ACTR3C: variants seen among roughly 807,000 people sequenced by gnomAD.
ACTR3C encodes the protein actin-related protein 3C.
In ACTR3C, 18 loss-of-function variants were observed where a neutral mutation model predicts 26.3. That is an observed-to-expected ratio of 0.68 (90% CI 0.47 to 1.01). The LOEUF is 1.01. Ranked by LOEUF, ACTR3C falls within the 50% of genes least tolerant of loss-of-function variation. The pLI, the probability that ACTR3C is intolerant of heterozygous loss-of-function variation, is 0.00. For missense variants in ACTR3C, 184 were observed against 250.7 expected (o/e 0.73, Z 1.80); for synonymous variants, 55 against 94.5 (o/e 0.58, Z 2.42).
chr7:150,028,026 TAAAAAG>T, the ACTR3C span, among the ~76,000 whole-genome samples: 1 of 152,294 alleles, frequency 6.6e-6, no homozygotes, highest in Non-Finnish European at 1.5e-5. Context: ...AAAACTTTAA[TAAAAAG>T]AAAAATAGCC....
chr7:150,020,163 A>G, the ACTR3C span, among the ~76,000 whole-genome samples: 6 of 152,270 alleles, frequency 3.9e-5, no homozygotes, highest in South Asian at 1.0e-3. Context: ...TCTTAGAAGC[A>G]AACATTATTT....
intron 1 of ACTR3C, among the ~76,000 whole-genome samples, chr7:150,314,546 C>T (rs938834603): frequency 5.3e-5 from 8 of 152,044 alleles, no homozygotes; most frequent in South Asian, 2.1e-4. Flanking sequence ...ATGTGTGAAG[C>T]AAATGTGGCA....
chr7:149,899,001 G>A, the ACTR3C span, among the ~76,000 whole-genome samples: 1 of 152,054 alleles, frequency 6.6e-6, no homozygotes, highest in African/African-American at 2.4e-5. Flanking sequence ...CGGCCCAGCA[G>A]TAACATGGAG....
the ACTR3C span, among the ~76,000 whole-genome samples, chr7:150,009,774 T>C: frequency 6.6e-6 from 1 of 152,182 alleles, no homozygotes; most frequent in African/African-American, 2.4e-5. Context: ...TCTAGCTGAG[T>C]GTGGCTTTTA....
At chr7:150,030,378 G>A in the ACTR3C span, among the ~76,000 whole-genome samples, 11 of 150,964 alleles carry the variant, frequency 7.3e-5, no homozygotes, top group Non-Finnish European at 1.5e-4. Flanking sequence ...CTATTGGATT[G>A]GATGGTATAG....
chr7:150,193,877 C>A, the ACTR3C span, among the ~76,000 whole-genome samples: 2 of 151,470 alleles, frequency 1.3e-5, no homozygotes, highest in African/African-American at 4.9e-5. Flanking sequence ...TGCATACTAA[C>A]TTACAAATGT....
chr7:150,159,823 G>A, the ACTR3C span, among the ~76,000 whole-genome samples: 61 of 152,108 alleles, frequency 4.0e-4, no homozygotes, highest in Non-Finnish European at 6.9e-4. Flanking sequence ...TTTTGAGATG[G>A]AGTCTCGCTC....
At chr7:150,006,228 A>G in the ACTR3C span, among the ~76,000 whole-genome samples, 55 of 87,996 alleles carry the variant, frequency 6.3e-4, no homozygotes, top group South Asian at 1.4e-3. Context: ...AAGGAGTCTT[A>G]CTCTGTCGCC....
chr7:150,236,213 T>C, the ACTR3C span, among the ~76,000 whole-genome samples: 1 of 152,232 alleles, frequency 6.6e-6, no homozygotes, highest in Non-Finnish European at 1.5e-5. Context: ...TTCTTTCTCA[T>C]CAATCTAGAG....
chr7:150,170,448 G>A, the ACTR3C span, among the ~76,000 whole-genome samples: 2 of 150,094 alleles, frequency 1.3e-5, no homozygotes, highest in African/African-American at 2.5e-5. Context: ...CACATGTGAT[G>A]ATATACACGG....
chr7:150,037,010 G>T, the ACTR3C span, among the ~76,000 whole-genome samples: 1 of 73,628 alleles, frequency 1.4e-5, no homozygotes, highest in Non-Finnish European at 3.1e-5. Flanking sequence ...CCCTGCGATG[G>T]GGGTACCAAC....
the ACTR3C span, among the ~76,000 whole-genome samples, chr7:150,037,753 C>G: frequency 1.1e-3 from 41 of 38,240 alleles, no homozygotes; most frequent in Middle Eastern, 0.02. Context: ...TCAGTCCCCA[C>G]CCTCGCGGGG....
At chr7:150,080,490 TAGAC>T in the ACTR3C span, among the ~76,000 whole-genome samples, 1 of 151,598 alleles carries the variant, frequency 6.6e-6, no homozygotes, top group Non-Finnish European at 1.5e-5. Flanking sequence ...CTTGACATCT[TAGAC>T]AGCAAAGCTG....
chr7:150,069,932 T>G, the ACTR3C span, among the ~76,000 whole-genome samples: 1 of 152,024 alleles, frequency 6.6e-6, no homozygotes, highest in Non-Finnish European at 1.5e-5. Flanking sequence ...GAAGTCCACA[T>G]GCTGAATCTC....
At chr7:150,096,164 G>A in the ACTR3C span, among the ~76,000 whole-genome samples, 2 of 149,064 alleles carry the variant, frequency 1.3e-5, no homozygotes, top group African/African-American at 2.5e-5. Context: ...CCCACACCTT[G>A]GAAACTGAAT....
the ACTR3C span, among the ~76,000 whole-genome samples, chr7:149,883,636 C>G: frequency 6.6e-6 from 1 of 152,222 alleles, no homozygotes; most frequent in Non-Finnish European, 1.5e-5. Flanking sequence ...GAGCCCTCGT[C>G]CAATCTGCGC....
chr7:150,183,336 T>C, the ACTR3C span, among the ~76,000 whole-genome samples: 12 of 147,436 alleles, frequency 8.1e-5, no homozygotes, highest in South Asian at 4.2e-4. Context: ...AGTATTCTAA[T>C]GTATGAAAAA....
At chr7:149,923,403 G>C in the ACTR3C span, among the ~76,000 whole-genome samples, 10 of 151,966 alleles carry the variant, frequency 6.6e-5, no homozygotes, top group African/African-American at 2.4e-4. Context: ...ATAATAAAAG[G>C]ATGGACAAAT....
intron 1 of ACTR3C, among the ~76,000 whole-genome samples, chr7:150,309,041 C>A (rs1796056714): frequency 6.6e-6 from 1 of 152,156 alleles, no homozygotes; most frequent in Non-Finnish European, 1.5e-5. Flanking sequence ...TACCCTAGCC[C>A]ATTCTCACAC....
Sources: allele counts gnomAD v4.1 joint callset (sites outside exome capture counted in the v4.1 genomes callset), GRCh38; gene constraint gnomAD v4.1.1; transcripts MANE v1.5; gene names NCBI Gene and HGNC (gene_info 2026-07-23, HGNC 2026-07-21).